ZNF397: variants seen among roughly 807,000 people sequenced by gnomAD.
The protein encoded by ZNF397 is zinc finger protein 397.
Under a neutral mutation model 50.6 loss-of-function variants are expected in ZNF397, and 38 were observed. That is an observed-to-expected ratio of 0.75 (90% CI 0.58 to 0.98). ZNF397 has a LOEUF of 0.98. Among genes scored for constraint, ZNF397 ranks in the 50% least tolerant of loss-of-function variants. ZNF397 has a pLI of 0.00. For synonymous variants in ZNF397, 228 were observed against 215.2 expected, an observed-to-expected ratio of 1.06 and a Z score of -0.52; for missense variants, 624 against 624.1, an observed-to-expected ratio of 1.00 and a Z score of 0.00.
At chr18:35,256,681 G>A (rs529175956) in intron 5 of ZNF397, among the ~76,000 whole-genome samples, 1 of 152,332 alleles carries the variant, frequency 6.6e-6, no homozygotes, top group African/African-American at 2.4e-5. Flanking sequence ...GGAGGCTGGA[G>A]GGTGGGGTAC....
Position 35,243,229 on chromosome 18 carries a change from C to T in ZNF397, c.492C>T (p.Asp164=). 6.2e-7 allele frequency: 1 copy of T among 1,614,250 alleles called. No homozygotes were observed. The highest frequency in any genetic ancestry group is 1.1e-5 in the South Asian group (1 of 91,088). ...TCAGAGCATCCCAAGAGTCAACAGA[C>T]ATCCACCTCCAGCCCTTAAAGACAC... ...TCLRASQEST[D]IHLQPLKTQL... Residue 164 remains aspartate (D), a synonymous_variant, in exon 3 of 4, where the codon GAC becomes GAT. Transcript: ENST00000330501.
rs1373969194 is a variant in ZNF397, at chr18:35,249,104, A to G, written c.*2794A>G. ...ATCACAAAATAAGTGCCAATGAACA[A>G]TAAATGTTCAACCTCACTACAGTTA... On this transcript the variant is annotated 3_prime_UTR_variant, in exon 4 of 4. Coordinates refer to ENST00000330501, the MANE Select transcript of ZNF397 (RefSeq NM_001135178.3). The G allele has an allele frequency of 6.6e-6, 1 of 152,218 alleles. No homozygotes were observed. Among genetic ancestry groups the G allele is most frequent in the Admixed American group, 6.5e-5 (1 of 15,282 alleles). 9.4% of individuals were successfully genotyped at this position (152,218 alleles called of 1,614,324 possible). A position where few individuals can be genotyped will look rare whatever the true frequency, so the allele number is the denominator to read the frequency against.
Position 35,242,551 on chromosome 18 carries a change from A to G in ZNF397, c.81A>G (p.Glu27=), listed in dbSNP as rs778379134. ...PEQELILVKV[E]DNFSWDEKFK... ...AAGAACTAATACTAGTGAAAGTAGA[A>G]GATAACTTTTCCTGGGATGAGAAAT... is the stretch of plus-strand genomic sequence containing the variant. Residue 27 remains glutamate (E), a synonymous_variant, in exon 2 of 4, where the codon GAA becomes GAG. Coordinates refer to ENST00000330501, the MANE Select transcript of ZNF397 (RefSeq NM_001135178.3). 5.6e-6 allele frequency: 9 copies of G among 1,614,126 alleles called. No individual in the cohort carries two copies. The Admixed American group carries it at 1.5e-4, about 27-fold the overall frequency.
intron 1 of ZNF397, 86 bp from the exon 2 acceptor site, chr18:35,242,305 T>C (rs1005115650): frequency 1.2e-5 from 7 of 600,438 alleles, no homozygotes; most frequent in Non-Finnish European, 8.4e-6. Context: ...CCTTTCAATA[T>C]ATTACTAAAG....
downstream of ZNF397, chr18:35,252,213 G>A (rs2043623426): frequency 6.6e-6 from 1 of 152,188 alleles, no homozygotes; most frequent in Non-Finnish European, 1.5e-5. Context: ...GTGAGACTCT[G>A]AAGTACTCAG....
rs2043466766 is a variant in ZNF397, at chr18:35,245,694, T to C, written c.989T>C (p.Ile330Thr). 2 of 1,552,262 alleles carry C rather than the reference T, an allele frequency of 1.3e-6. No homozygotes were observed. The highest frequency in any genetic ancestry group is 1.2e-5 in the South Asian group (1 of 84,072). The stretch of plus-strand genomic sequence containing the variant: ...TTTAGTTTGAGGTCCTATCTTATTA[T>C]TCATCAGAGAATTCATAGTGGTGAG... ...KAFSLRSYLIIHQRIHSGEKA... is the reference protein window; with the variant it reads ...KAFSLRSYLITHQRIHSGEKA... Residue 330 changes from isoleucine to threonine, a missense_variant, in exon 4 of 4, where the codon ATT becomes ACT. Coordinates refer to ENST00000330501, the MANE Select transcript of ZNF397 (RefSeq NM_001135178.3).
At chr18:35,243,451 A>G (rs1475073942) in intron 3 of ZNF397, 158 bp downstream of exon 3, 1 of 942,908 alleles carries the variant, frequency 1.1e-6, no homozygotes, top group Non-Finnish European at 1.6e-6. Context: ...TTCACCCCTC[A>G]TGAATTGCTG....
rs1487826001 is a variant in ZNF397, at chr18:35,248,993, C to G, written c.*2683C>G. ...AAAGTGGGGAGGTCAGACTTTGAAC[C>G]CACAACCTGACTGTGGAGCCACTTC... On this transcript the variant is annotated 3_prime_UTR_variant, in exon 4 of 4. Coordinates refer to ENST00000330501, the MANE Select transcript of ZNF397 (RefSeq NM_001135178.3). 1.3e-5 allele frequency: 2 copies of G among 152,024 alleles called. No homozygotes were observed. The highest frequency in any genetic ancestry group is 4.8e-5 in the African/African-American group (2 of 41,380). 9.4% of individuals were successfully genotyped at this position (152,024 alleles called of 1,614,324 possible).
In ZNF397 at chr18:35,247,230, T is replaced by C; in HGVS notation, c.*920T>C. 1 of 962,030 alleles carries C rather than the reference T, an allele frequency of 1.0e-6. No individual in the cohort carries two copies. Among genetic ancestry groups the C allele is most frequent in the Non-Finnish European group, 1.2e-6 (1 of 808,704 alleles). The allele number at this position is 962,030 out of a possible 1,614,324, so 59.6% of individuals were successfully genotyped here. On this transcript the variant is annotated 3_prime_UTR_variant, in exon 4 of 4. Transcript: ENST00000330501. The stretch of plus-strand genomic sequence containing the variant: ...GAAGTTCCTGTTAATAGACAAAACC[T>C]GGAGCCCTTGGGCCACAGGGTAGTC...
At chr18:35,242,137 T>C (rs1309167323) in intron 1 of ZNF397, among the ~76,000 whole-genome samples, 2 of 152,242 alleles carry the variant, frequency 1.3e-5, no homozygotes, top group African/African-American at 2.4e-5. Context: ...ACTATGTGAT[T>C]GATGTTAATG....
chr18:35,245,151 G>C (rs2043451723), intron 3 of ZNF397, 111 bp from the exon 4 acceptor site: 1 of 1,372,158 alleles, frequency 7.3e-7, no homozygotes, highest in African/African-American at 1.5e-5. Flanking sequence ...AAAAGATACT[G>C]GAGGACAGTG....
At chr18:35,253,311 G>A (rs1467798192), downstream of ZNF397, 3 of 590,794 alleles carry the variant, frequency 5.1e-6, no homozygotes, top group Non-Finnish European at 8.6e-6. Context: ...AAACATCTTT[G>A]TGTGCATGTC....
At chr18:35,256,753 TTC>T (rs2043836593) in intron 5 of ZNF397, among the ~76,000 whole-genome samples, 1 of 151,836 alleles carries the variant, frequency 6.6e-6, no homozygotes, top group Non-Finnish European at 1.5e-5. Context: ...AGAAGAGCTC[TTC>T]TGTTTTTGTT....
At position 35,246,579 on chromosome 18, in the gene ZNF397, C is replaced by A; in HGVS notation, c.*269C>A. ...GGAAATACGAAAAGTGGGAATGTAA[C>A]ATTGAAACCTCATTTTGTATGAAAG... On this transcript the variant is annotated 3_prime_UTR_variant, in exon 4 of 4. Coordinates refer to ENST00000330501, the MANE Select transcript of ZNF397 (RefSeq NM_001135178.3). 1 of 1,214,272 alleles carries A rather than the reference C, an allele frequency of 8.2e-7. No homozygotes were observed. The highest frequency in any genetic ancestry group is 1.0e-6 in the Non-Finnish European group (1 of 974,298). The allele number at this position is 1,214,272 out of a possible 1,614,324, so 75.2% of individuals were successfully genotyped here.
chr18:35,254,699 G>A, downstream of ZNF397: 1 of 406,722 alleles, frequency 2.5e-6, no homozygotes, highest in South Asian at 2.6e-5. Context: ...TCTTGGGTTA[G>A]AGAAGATACG....
Position 35,242,448 on chromosome 18 carries a change from T to C in ZNF397, c.-23T>C, listed in dbSNP as rs1463304843. 1.2e-6 allele frequency: 2 copies of C among 1,600,486 alleles called. No homozygotes were observed. The highest frequency in any genetic ancestry group is 1.3e-5 in the African/African-American group (1 of 74,512). On this transcript the variant is annotated 5_prime_UTR_variant, in exon 2 of 4. Coordinates refer to ENST00000330501, the MANE Select transcript of ZNF397 (RefSeq NM_001135178.3). ...CACAGAACCAGTTGTACTGAGCTTT[T>C]TGCTAAGCTGTTTCAGCCAAGAATG... is the stretch of plus-strand genomic sequence containing the variant.
intron 3 of ZNF397, 124 bp from the exon 4 acceptor site, chr18:35,245,138 A>T: frequency 7.5e-7 from 1 of 1,324,524 alleles, no homozygotes; most frequent in Non-Finnish European, 1.0e-6. Context: ...GGCCAGTTGA[A>T]AAAAAAGATA....
At chr18:35,256,232 A>G (rs2043809033) in intron 5 of ZNF397, 1 of 152,326 alleles carries the variant, frequency 6.6e-6, no homozygotes, top group African/African-American at 2.4e-5. Context: ...TAAATAGCTA[A>G]CTAGAGTAAT....
At chr18:35,254,200 G>T (rs766607838), downstream of ZNF397, 3 of 1,614,128 alleles carry the variant, frequency 1.9e-6, no homozygotes, top group Non-Finnish European at 2.5e-6. Context: ...GACTGATTTT[G>T]TTCCCTGCAG....
Sources: allele counts gnomAD v4.1 joint callset (sites outside exome capture counted in the v4.1 genomes callset), GRCh38; gene constraint gnomAD v4.1.1; transcripts MANE v1.5; gene names NCBI Gene and HGNC (gene_info 2026-07-23, HGNC 2026-07-21).